HIF1AN: variants seen among roughly 807,000 people sequenced by gnomAD.
HIF1AN encodes the protein hypoxia inducible factor 1 subunit alpha inhibitor.
In HIF1AN, 21 loss-of-function variants were observed where a neutral mutation model predicts 47.7. The ratio of observed to expected loss-of-function variants is 0.44; its 90% CI spans 0.31 to 0.63. The LOEUF is 0.63. Ranked by LOEUF, HIF1AN falls within the 30% of genes least tolerant of loss-of-function variation. The probability of loss-of-function intolerance (pLI) is 0.07; values close to 1 mark genes in which losing one functional copy is unlikely to be tolerated. For missense variants in HIF1AN, 320 were observed against 432.7 expected (o/e 0.74, Z 2.31); for synonymous variants, 152 against 155.9 (o/e 0.98, Z 0.18).
rs1256586835 is a variant in HIF1AN, at chr10:100,557,805, T to A, written c.*9668T>A. 6.6e-6 allele frequency: 1 copy of A among 151,974 alleles called. No homozygotes were observed. Among genetic ancestry groups the A allele is most frequent in the Non-Finnish European group, 1.5e-5 (1 of 68,006 alleles). 9.4% of individuals were successfully genotyped at this position (151,974 alleles called of 1,614,324 possible). A position where few individuals can be genotyped will look rare whatever the true frequency, so the allele number is the denominator to read the frequency against. On this transcript the variant is annotated 3_prime_UTR_variant, in exon 8 of 8. Transcript: ENST00000299163. ...AGAATGAATGAGACAACTCATTAAC[T>A]AACTAAGTTAATTCAGAACTTAGTG...
At chr10:100,538,496 A>T (rs545641266) in intron 2 of HIF1AN, among the ~76,000 whole-genome samples, 3 of 152,118 alleles carry the variant, frequency 2.0e-5, no homozygotes, top group Admixed American at 6.5e-5. Context: ...AGTCTTGAGG[A>T]TTTCATGTTC....
chr10:100,546,421 A>G, intron 5 of HIF1AN, 97 bp from the exon 6 acceptor site: 1 of 861,586 alleles, frequency 1.2e-6, no homozygotes, highest in South Asian at 1.4e-5. Flanking sequence ...GACTCCACCT[A>G]GTTTTTCAGC....
chr10:100,546,151 A>G (rs1158312947), intron 5 of HIF1AN, 102 bp downstream of exon 5: 2 of 842,470 alleles, frequency 2.4e-6, no homozygotes, highest in African/African-American at 3.4e-5. Flanking sequence ...GATTGGTTTT[A>G]TGTGGTCTAT....
At chr10:100,546,639 AGGT>A in intron 6 of HIF1AN, 58 bp downstream of exon 6, 1 of 1,302,258 alleles carries the variant, frequency 7.7e-7, no homozygotes, top group South Asian at 1.2e-5. Flanking sequence ...TGGGTGAGGT[AGGT>A]ATAATAAATG....
rs1475455354 is a variant in HIF1AN at position 100,559,019 on chromosome 10, G to A, written c.*10882G>A. On this transcript the variant is annotated 3_prime_UTR_variant, in exon 8 of 8. Transcript: ENST00000299163. ...AACTAAAAAGTGTGTATTTATACTC[G>A]AATTTTAAGTTGAAATTTTGCTAAG... The A allele has an allele frequency of 1.1e-4, 16 of 151,796 alleles. No homozygotes were observed. The highest frequency in any genetic ancestry group is 6.6e-5 in the Admixed American group (1 of 15,240). 9.4% of individuals were successfully genotyped at this position (151,796 alleles called of 1,614,324 possible). A position where few individuals can be genotyped will look rare whatever the true frequency, so the allele number is the denominator to read the frequency against.
At chr10:100,538,011 C>T (rs554755142) in intron 2 of HIF1AN, among the ~76,000 whole-genome samples, 1 of 152,252 alleles carries the variant, frequency 6.6e-6, no homozygotes, top group South Asian at 2.1e-4. Context: ...ACACACCCAA[C>T]ATTGAGAGAA....
At position 100,551,729 on chromosome 10, in the gene HIF1AN, C is replaced by CTG. The variant is rs1843162455; in HGVS notation, c.*3594_*3595dup. On this transcript the variant is annotated 3_prime_UTR_variant, in exon 8 of 8. Transcript: ENST00000299163. ...GACAAGTACTTGTTACATTCCAGCACTGTAGGGCGTGAGGAAAATCTGGTC... is the reference window on the plus strand; with the variant it reads ...GACAAGTACTTGTTACATTCCAGCACTGTGTAGGGCGTGAGGAAAATCTGGTC... 1 of 152,238 alleles carries CTG rather than the reference C, an allele frequency of 6.6e-6. No homozygotes were observed. The highest frequency in any genetic ancestry group is 2.4e-5 in the African/African-American group (1 of 41,466). 9.4% of individuals were successfully genotyped at this position (152,238 alleles called of 1,614,324 possible). A position where few individuals can be genotyped will look rare whatever the true frequency, so the allele number is the denominator to read the frequency against.
Position 100,548,482 on chromosome 10 carries a change from A to C in HIF1AN, c.*345A>C. 1 of 243,322 alleles carries C rather than the reference A, an allele frequency of 4.1e-6. No homozygotes were observed. Among genetic ancestry groups the C allele is most frequent in the Non-Finnish European group, 8.0e-6 (1 of 124,620 alleles). The allele number at this position is 243,322 out of a possible 1,614,324, so 15.1% of individuals were successfully genotyped here. On this transcript the variant is annotated 3_prime_UTR_variant, in exon 8 of 8. Transcript: ENST00000299163. Reference sequence around the variant, plus strand: ...GGAATGTGTGCGTGTGTGTGCATGCACACGCATGTATGTATCTGTTCCCTG... The same window carrying C: ...GGAATGTGTGCGTGTGTGTGCATGCCCACGCATGTATGTATCTGTTCCCTG...
rs182129348 is a variant in HIF1AN, at chr10:100,536,958, C to T, written c.428+297C>T. 3.4e-4 allele frequency among the ~76,000 whole-genome samples: 52 copies of T among 152,304 alleles called. 1 individual carries two copies. The highest frequency in any genetic ancestry group is 1.6e-3 in the Admixed American group (25 of 15,294). ...TAAAGAGTTAGTTGCCTAGAAGGGT[C>T]AGGCAGGTGAATGGAAGGAGTAATA... On this transcript the variant is annotated intron_variant, in intron 2 of 7. Coordinates refer to ENST00000299163, the MANE Select transcript of HIF1AN (RefSeq NM_017902.3).
In HIF1AN at chr10:100,551,700, C is replaced by G. The variant is rs1843162139; in HGVS notation, c.*3563C>G. The G allele has an allele frequency of 6.6e-6, 1 of 152,240 alleles. No homozygotes were observed. The highest frequency in any genetic ancestry group is 2.4e-5 in the African/African-American group (1 of 41,462). The allele number at this position is 152,240 out of a possible 1,614,324, so 9.4% of individuals were successfully genotyped here. ...ATAGTCAACACCCCTCATAGCCCACCTGTGACAAGTACTTGTTACATTCCA... is the reference window on the plus strand; with the variant it reads ...ATAGTCAACACCCCTCATAGCCCACGTGTGACAAGTACTTGTTACATTCCA... On this transcript the variant is annotated 3_prime_UTR_variant, in exon 8 of 8. Coordinates refer to ENST00000299163, the MANE Select transcript of HIF1AN (RefSeq NM_017902.3).
chr10:100,546,545 TG>T lies in HIF1AN; in HGVS notation c.864del (p.Ile289LeufsTer5). 1 of 1,592,384 alleles carries T rather than the reference TG, an allele frequency of 6.3e-7. No individual in the cohort carries two copies. The highest frequency in any genetic ancestry group is 8.5e-7 in the Non-Finnish European group (1 of 1,170,220). The part of the protein sequence containing the change: ...WWHHIESLLN[G>X]GITITVNFWY... The stretch of plus-strand genomic sequence containing the variant: ...GGCATCACATAGAGTCATTACTAAA[TG>T]GGGGGATTACCATCACTGTGAACTT... On this transcript the variant is annotated frameshift_variant, in exon 6 of 8. Transcript: ENST00000299163. LOFTEE classifies it high-confidence loss of function.
Position 100,551,688 on chromosome 10 carries a change from C to T in HIF1AN, c.*3551C>T, listed in dbSNP as rs1227534252. The T allele has an allele frequency of 1.3e-5, 2 of 152,232 alleles. No homozygotes were observed. The highest frequency in any genetic ancestry group is 1.9e-4 in the East Asian group (1 of 5,202). 9.4% of individuals were successfully genotyped at this position (152,232 alleles called of 1,614,324 possible). A position where few individuals can be genotyped will look rare whatever the true frequency, so the allele number is the denominator to read the frequency against. ...AATGTTTTTGTAATAGTCAACACCC[C>T]TCATAGCCCACCTGTGACAAGTACT... On this transcript the variant is annotated 3_prime_UTR_variant, in exon 8 of 8. Transcript: ENST00000299163.
chr10:100,546,443 A>ACCCCCCCCCC, intron 5 of HIF1AN, 75 bp from the exon 6 acceptor site: 1 of 454,844 alleles, frequency 2.2e-6, no homozygotes, highest in Non-Finnish European at 4.0e-6. Context: ...CAACCCTGCC[A>ACCCCCCCCCC]CCCCCCCGCA....
At position 100,559,127 on chromosome 10, in the gene HIF1AN, T is replaced by G. The variant is rs547983139; in HGVS notation, c.*10990T>G. The G allele has an allele frequency of 3.6e-4, 55 of 152,230 alleles. No homozygotes were observed. Among genetic ancestry groups the G allele is most frequent in the Non-Finnish European group, 6.9e-4 (47 of 68,006 alleles). The allele number at this position is 152,230 out of a possible 1,614,324, so 9.4% of individuals were successfully genotyped here. A position where few individuals can be genotyped will look rare whatever the true frequency, so the allele number is the denominator to read the frequency against. On this transcript the variant is annotated 3_prime_UTR_variant, in exon 8 of 8. Transcript: ENST00000299163. ...TGGTACAATCATTGCTAAGTCTTTC[T>G]GTAGTTTTAGAACATTTAGAACAAC...
chr10:100,540,458 G>A (rs1242104991), intron 2 of HIF1AN, among the ~76,000 whole-genome samples, 176 bp from the exon 3 acceptor site: 2 of 151,944 alleles, frequency 1.3e-5, no homozygotes, highest in Admixed American at 6.6e-5. Context: ...ACTCAATGAA[G>A]GATAAGTAAG....
Position 100,557,887 on chromosome 10 carries a change from A to G in HIF1AN, c.*9750A>G, listed in dbSNP as rs964935880. 3.3e-5 allele frequency: 5 copies of G among 152,240 alleles called. No homozygotes were observed. The highest frequency in any genetic ancestry group is 1.2e-4 in the African/African-American group (5 of 41,460). 9.4% of individuals were successfully genotyped at this position (152,240 alleles called of 1,614,324 possible). A position where few individuals can be genotyped will look rare whatever the true frequency, so the allele number is the denominator to read the frequency against. ...TTTCCTCCATTTCTTCTTAGGAAGC[A>G]TCGTTTACCCAGCATAAACAGGAGG... On this transcript the variant is annotated 3_prime_UTR_variant, in exon 8 of 8. Coordinates refer to ENST00000299163, the MANE Select transcript of HIF1AN (RefSeq NM_017902.3).
chr10:100,547,033 C>G (rs1392980908), intron 6 of HIF1AN, 107 bp from the exon 7 acceptor site: 2 of 799,394 alleles, frequency 2.5e-6, no homozygotes, highest in Admixed American at 2.4e-5. Context: ...AGTCACCGTG[C>G]CCGGCAAGAA....
At chr10:100,541,503 G>C (rs542720817) in intron 3 of HIF1AN, among the ~76,000 whole-genome samples, 21 of 152,008 alleles carry the variant, frequency 1.4e-4, no homozygotes, top group Admixed American at 3.3e-4. Flanking sequence ...TTTTGTTGTT[G>C]TTGTTTTGTT....
intron 3 of HIF1AN, among the ~76,000 whole-genome samples, chr10:100,542,141 A>G (rs1843040114): frequency 6.6e-6 from 1 of 152,004 alleles, no homozygotes; most frequent in South Asian, 2.1e-4. Context: ...AAAAAAAAAA[A>G]AGATAAAAAA....
Sources: allele counts gnomAD v4.1 joint callset (sites outside exome capture counted in the v4.1 genomes callset), GRCh38; gene constraint gnomAD v4.1.1; transcripts MANE v1.5; gene names NCBI Gene and HGNC (gene_info 2026-07-23, HGNC 2026-07-21).